KNTC1: variants seen among roughly 807,000 people sequenced by gnomAD.
The protein encoded by KNTC1 is kinetochore associated 1.
A neutral mutation model predicts 314.4 loss-of-function variants in KNTC1; 253 were observed. That is an observed-to-expected ratio of 0.80 (90% CI 0.73 to 0.89). The LOEUF (loss-of-function observed/expected upper bound fraction) is 0.89. Among genes scored for constraint, KNTC1 ranks in the 40% least tolerant of loss-of-function variants. KNTC1 has a pLI of 0.00. For synonymous variants in KNTC1, 901 were observed against 901.4 expected, an observed-to-expected ratio of 1.00 and a Z score of 0.01; for missense variants, 2,475 against 2,572.9, an observed-to-expected ratio of 0.96 and a Z score of 0.82.
At chr12:122,600,188 C>T (rs1430950175) in intron 44 of KNTC1, among the ~76,000 whole-genome samples, 1 of 152,156 alleles carries the variant, frequency 6.6e-6, no homozygotes, top group African/African-American at 2.4e-5. Flanking sequence ...CAACCTCCGC[C>T]TCCTGGGTTC....
At chr12:122,600,260 G>A (rs554236119) in intron 44 of KNTC1, among the ~76,000 whole-genome samples, 6 of 152,054 alleles carry the variant, frequency 3.9e-5, no homozygotes, top group East Asian at 3.9e-4. Context: ...CTACCATGCC[G>A]GCTAATTTTT....
intron 42 of KNTC1, 95 bp downstream of exon 42, chr12:122,591,548 G>C (rs2138047879): frequency 1.3e-6 from 1 of 750,256 alleles, no homozygotes; most frequent in Non-Finnish European, 2.4e-6. Flanking sequence ...TTTGGGAGGA[G>C]AGTGTATGTG....
At chr12:122,549,464 C>T (rs564727155) in intron 12 of KNTC1, among the ~76,000 whole-genome samples, 2 of 152,282 alleles carry the variant, frequency 1.3e-5, no homozygotes, top group South Asian at 4.1e-4. Context: ...ATTCTTCTGC[C>T]TCAGCCTCCC....
chr12:122,586,663 CT>C, intron 37 of KNTC1, 37 bp from the exon 38 acceptor site: 2 of 1,074,664 alleles, frequency 1.9e-6, no homozygotes, highest in Non-Finnish European at 2.6e-6. Flanking sequence ...GTGTGGCCAT[CT>C]ATTTAGTGTT....
chr12:122,575,739 G>A, intron 28 of KNTC1, 61 bp from the exon 29 acceptor site: 7 of 1,495,560 alleles, frequency 4.7e-6, no homozygotes, highest in Non-Finnish European at 6.5e-6. Context: ...ATTGTTTGCT[G>A]TGTCCCATAG....
intron 60 of KNTC1, among the ~76,000 whole-genome samples, chr12:122,621,397 G>A (rs916697878): frequency 3.9e-5 from 6 of 152,146 alleles, no homozygotes; most frequent in Non-Finnish European, 8.8e-5. Context: ...TGTCACCCAG[G>A]CTGGAGTCCA....
Position 122,547,539 on chromosome 12 carries a change from T to G in KNTC1, c.932+9T>G, listed in dbSNP as rs576684271. ...CCTTCATCAGTCACGTGGTATGTTA[T>G]GACTATGGCTAGTAGTCATTTCCCT... On this transcript the variant is annotated intron_variant, in intron 11 of 63. Transcript: ENST00000333479. 6.0e-6 allele frequency: 9 copies of G among 1,507,894 alleles called. 1 individual carries two copies. The South Asian group carries it at 1.0e-4, about 17-fold the overall frequency. The allele number at this position is 1,507,894 out of a possible 1,614,324, so 93.4% of individuals were successfully genotyped here.
At chr12:122,605,479 C>CT in intron 51 of KNTC1, 64 bp downstream of exon 51, 1 of 763,934 alleles carries the variant, frequency 1.3e-6, no homozygotes, top group Non-Finnish European at 2.2e-6. Flanking sequence ...TTCTCAAAGG[C>CT]TAAATATTTA....
intron 10 of KNTC1, 141 bp downstream of exon 10, chr12:122,546,815 G>T: frequency 9.6e-6 from 4 of 416,250 alleles, no homozygotes; most frequent in Non-Finnish European, 1.7e-5. Flanking sequence ...GTACCAAAAA[G>T]TTGATCCTGA....
intron 62 of KNTC1, among the ~76,000 whole-genome samples, chr12:122,623,550 T>C (rs1454181444): frequency 6.6e-6 from 1 of 152,212 alleles, no homozygotes; most frequent in Non-Finnish European, 1.5e-5. Flanking sequence ...TTGATACATA[T>C]AATAAGCTGG....
chr12:122,534,822 A>T, intron 3 of KNTC1, 38 bp downstream of exon 3: 2 of 1,592,232 alleles, frequency 1.3e-6, no homozygotes, highest in Non-Finnish European at 1.7e-6. Context: ...GATAAATTGG[A>T]AGTCAAATAC....
At chr12:122,614,922 C>A in intron 55 of KNTC1, 69 bp from the exon 56 acceptor site, 1 of 1,117,022 alleles carries the variant, frequency 9.0e-7, no homozygotes, top group Non-Finnish European at 1.3e-6. Flanking sequence ...AGCTGCCCTA[C>A]TTTTCCAAAG....
intron 31 of KNTC1, among the ~76,000 whole-genome samples, chr12:122,579,219 T>C (rs954216321): frequency 6.6e-6 from 1 of 150,380 alleles, no homozygotes; most frequent in African/African-American, 2.5e-5. Context: ...CGCCCGCCAC[T>C]ACGCCCGGCT....
chr12:122,530,600 G>C (rs1961236393), intron 2 of KNTC1, among the ~76,000 whole-genome samples: 1 of 151,886 alleles, frequency 6.6e-6, no homozygotes, highest in Non-Finnish European at 1.5e-5. Flanking sequence ...ACAGTTGTGT[G>C]CCACCATGCT....
At chr12:122,601,717 C>T in intron 45 of KNTC1, 92 bp downstream of exon 45, 2 of 1,164,708 alleles carry the variant, frequency 1.7e-6, no homozygotes, top group Non-Finnish European at 2.2e-6. Context: ...TCCAAATTAT[C>T]CATTGAATTC....
At chr12:122,625,674 A>AC (rs1302515358) in intron 63 of KNTC1, among the ~76,000 whole-genome samples, 10 of 152,144 alleles carry the variant, frequency 6.6e-5, no homozygotes, top group Non-Finnish European at 1.3e-4. Context: ...AAATCTCACT[A>AC]CCCAGACATA....
rs143507778 is a variant in KNTC1, at chr12:122,615,171, A to G, written c.5973+85A>G. ...TAAACATTTTGGATTGATACTTGTTATGGAACAGATTTATGCTGAAAACAC... is the reference window on the plus strand; with the variant it reads ...TAAACATTTTGGATTGATACTTGTTGTGGAACAGATTTATGCTGAAAACAC... On this transcript the variant is annotated intron_variant, in intron 56 of 63. Transcript: ENST00000333479. 3,369 of 988,586 alleles carry G rather than the reference A, an allele frequency of 3.4e-3. 93 individuals are homozygous for G. The East Asian group carries it at 0.061, about 18-fold the overall frequency. 61.2% of individuals were successfully genotyped at this position (988,586 alleles called of 1,614,324 possible).
Position 122,601,553 on chromosome 12 carries a change from T to C in KNTC1, c.4581T>C (p.Tyr1527=). Residue 1527 remains tyrosine (Y), a synonymous_variant, in exon 45 of 64, where the codon TAT becomes TAC. Transcript: ENST00000333479. The stretch of plus-strand genomic sequence containing the variant: ...TTATACAGTTGGATCCTTATGACTA[T>C]GAAATGATTGAAGTTGTCTTGAAAG... The part of the protein sequence containing the change: ...GILHKLDPYD[Y]EMIEVVLKVI... 6 of 1,535,990 alleles carry C rather than the reference T, an allele frequency of 3.9e-6. No homozygotes were observed. The highest frequency in any genetic ancestry group is 5.3e-6 in the Non-Finnish European group (6 of 1,142,074).
chr12:122,591,555 T>C, intron 42 of KNTC1, 102 bp downstream of exon 42: 1 of 728,580 alleles, frequency 1.4e-6, no homozygotes, highest in East Asian at 2.5e-5. Context: ...GGAGAGTGTA[T>C]GTGTACTGCC....
Sources: gnomAD v4.1 joint callset for allele counts (sites outside exome capture counted in the v4.1 genomes callset) on GRCh38, gnomAD v4.1.1 for gene constraint, MANE v1.5 for transcripts, NCBI Gene and HGNC (gene_info 2026-07-23, HGNC 2026-07-21) for gene names.